DLC1: variants seen among roughly 807,000 people sequenced by gnomAD.
DLC1 encodes rho GTPase-activating protein 7.
In DLC1, 54 loss-of-function variants were observed where a neutral mutation model predicts 140.3. The observed-to-expected ratio is 0.38, with a 90% CI of 0.31 to 0.48. The LOEUF (loss-of-function observed/expected upper bound fraction) is 0.48, where lower values mean the gene tolerates loss of function less well. Ranked by LOEUF, DLC1 falls within the 20% of genes least tolerant of loss-of-function variation. The pLI, the probability that DLC1 is intolerant of heterozygous loss-of-function variation, is 0.96. For missense variants in DLC1, 2,536 were observed against 1,907.0 expected, an observed-to-expected ratio of 1.33 and a Z score of -6.14; for synonymous variants, 986 against 728.1, an observed-to-expected ratio of 1.35 and a Z score of -5.70.
chr8:13,228,817 G>A (rs1828917979), intron 5 of DLC1, among the ~76,000 whole-genome samples: 1 of 152,188 alleles, frequency 6.6e-6, no homozygotes, highest in Non-Finnish European at 1.5e-5. Flanking sequence ...TGGTCGATGA[G>A]CATGAAAAGA....
At chr8:13,279,885 G>A (rs1831306362) in intron 5 of DLC1, among the ~76,000 whole-genome samples, 1 of 152,122 alleles carries the variant, frequency 6.6e-6, no homozygotes, top group South Asian at 2.1e-4. Context: ...TCTGAGAGGT[G>A]AGAATAGTTT....
intron 1 of DLC1, among the ~76,000 whole-genome samples, chr8:13,528,406 G>T (rs549318147): frequency 6.6e-6 from 1 of 152,110 alleles, no homozygotes; most frequent in Non-Finnish European, 1.5e-5. Context: ...AGAAAAATAT[G>T]TTGGGCAGCA....
chr8:13,394,650 C>A (rs1193945693), intron 3 of DLC1, among the ~76,000 whole-genome samples: 2 of 152,170 alleles, frequency 1.3e-5, no homozygotes, highest in Non-Finnish European at 2.9e-5. Flanking sequence ...TATGTATCCT[C>A]TTTATACATC....
At position 13,475,420 on chromosome 8, in the gene DLC1, G is replaced by A. The variant is rs544112331; in HGVS notation, c.1023+23629C>T. ...AGTAAAAGGCCATCTTTTATATTGG[G>A]TTTCTGGCTAAGCACAGTGGTTAAA... On this transcript the variant is annotated intron_variant, in intron 2 of 17. Coordinates refer to ENST00000276297, the MANE Select transcript of DLC1 (RefSeq NM_182643.3). 7.8e-4 allele frequency among the ~76,000 whole-genome samples: 119 copies of A among 152,182 alleles called. No individual in the cohort carries two copies. In the Middle Eastern group the frequency reaches 0.014, roughly 17 times the overall value.
intron 1 of DLC1, among the ~76,000 whole-genome samples, chr8:13,579,187 G>C (rs965572805): frequency 7.3e-6 from 1 of 136,216 alleles, no homozygotes; most frequent in Non-Finnish European, 1.5e-5. Flanking sequence ...TAGAACAAAA[G>C]AGTCTCCTAG....
chr8:13,578,209 A>G (rs774219156), intron 1 of DLC1, among the ~76,000 whole-genome samples: 1 of 152,140 alleles, frequency 6.6e-6, no homozygotes, highest in Non-Finnish European at 1.5e-5. Flanking sequence ...CCACCCAGGA[A>G]TCAATGACTT....
In DLC1 at chr8:13,326,695, G is replaced by C. The variant is rs185045168; in HGVS notation, c.1315-21393C>G. Among the ~76,000 whole-genome samples the C allele has an allele frequency of 1.2e-3, 177 of 152,302 alleles. 2 individuals carry two copies. Among genetic ancestry groups the C allele is most frequent in the Admixed American group, 3.2e-3 (49 of 15,298 alleles). On this transcript the variant is annotated intron_variant, in intron 4 of 17. Coordinates refer to ENST00000276297, the MANE Select transcript of DLC1 (RefSeq NM_182643.3). ...CCCAGTGGTTCTCAAACTTCAGCGT[G>C]CATTGGAATCATCTACCGGGCCTGC...
intron 5 of DLC1, chr8:13,133,527 C>CCCCTCGGTTCCCTCGGTT (rs544009724): frequency 6.8e-6 from 1 of 147,028 alleles, no homozygotes; most frequent in Admixed American, 6.8e-5. Context: ...TCTGTCCCGC[C>CCCCTCGGTTCCCTCGGTT]CCCTCGGTTC....
At chr8:13,101,670 T>A (rs988215868) in intron 8 of DLC1, among the ~76,000 whole-genome samples, 1 of 152,090 alleles carries the variant, frequency 6.6e-6, no homozygotes, top group Admixed American at 6.6e-5. Context: ...CCACAAGACA[T>A]GAAGGCTAGC....
chr8:13,521,357 A>T (rs1027116317), intron 1 of DLC1, among the ~76,000 whole-genome samples: 1 of 151,878 alleles, frequency 6.6e-6, no homozygotes, highest in Non-Finnish European at 1.5e-5. Context: ...GCACACATTT[A>T]CCTATGTAAC....
At chr8:13,128,797 T>C (rs1821816500) in intron 5 of DLC1, among the ~76,000 whole-genome samples, 1 of 148,570 alleles carries the variant, frequency 6.7e-6, no homozygotes, top group Non-Finnish European at 1.5e-5. Context: ...ATTGCGCCAC[T>C]GCACTCCAGC....
chr8:13,149,003 A>AG (rs1176080503), intron 5 of DLC1, among the ~76,000 whole-genome samples: 1 of 152,122 alleles, frequency 6.6e-6, no homozygotes, highest in East Asian at 1.9e-4. Flanking sequence ...CGTGTTAGCC[A>AG]GGACGGTCTC....
chr8:13,133,284 C>G, intron 5 of DLC1: 7 of 1,295,774 alleles, frequency 5.4e-6, no homozygotes, highest in Non-Finnish European at 5.9e-6. Context: ...GCAGTCGGAG[C>G]GAACTGTCTC....
At chr8:13,223,214 G>A (rs1188300) in intron 5 of DLC1, among the ~76,000 whole-genome samples, 72,077 of 151,954 alleles carry the variant, frequency 0.47, 18,475 homozygotes, top group East Asian at 0.82. Context: ...AAATCCTGTC[G>A]TAGAGAGCAG....
intron 4 of DLC1, among the ~76,000 whole-genome samples, chr8:13,354,381 C>A (rs1729158): frequency 2.0e-5 from 3 of 151,892 alleles, no homozygotes; most frequent in African/African-American, 4.8e-5. Flanking sequence ...TGAGACTATC[C>A]TCCTCGCCTT....
rs368098461 is a variant in DLC1, at chr8:13,492,500, G to GTC, written c.1023+6547_1023+6548dup. On this transcript the variant is annotated intron_variant, in intron 2 of 17. Transcript: ENST00000276297. ...TTTTTTTCTATCACTTACTCTCTCTGTCTCTCTCTCTCTCTCTGTTTTCTC... is the reference window on the plus strand; with the variant it reads ...TTTTTTTCTATCACTTACTCTCTCTGTCTCTCTCTCTCTCTCTCTGTTTTCTC... Among the ~76,000 whole-genome samples the GTC allele has an allele frequency of 7.9e-3, 1,147 of 145,686 alleles. 15 individuals are homozygous for GTC. The highest frequency in any genetic ancestry group is 0.069 in the South Asian group (313 of 4,552).
rs11993817 is a variant in DLC1 at position 13,251,858 on chromosome 8, G to C, written c.1348+53411C>G. Among the ~76,000 whole-genome samples the C allele has an allele frequency of 9.3e-3, 1,408 of 152,208 alleles. 26 individuals carry two copies. The highest frequency in any genetic ancestry group is 0.032 in the African/African-American group (1,332 of 41,510). On this transcript the variant is annotated intron_variant, in intron 5 of 17. Coordinates refer to ENST00000276297, the MANE Select transcript of DLC1 (RefSeq NM_182643.3). Reference sequence around the variant, plus strand: ...ATATAAGCTATAATAATTATTATTAGAGACAACATAGTTGGGTCCAAAGTA... The same window carrying C: ...ATATAAGCTATAATAATTATTATTACAGACAACATAGTTGGGTCCAAAGTA...
intron 1 of DLC1, among the ~76,000 whole-genome samples, chr8:13,592,600 C>A (rs1021030341): frequency 6.6e-6 from 1 of 151,946 alleles, no homozygotes; most frequent in African/African-American, 2.4e-5. Context: ...ACTGAGCAGC[C>A]ATTTGTTGAA....
At chr8:13,266,355 G>A (rs80214084) in intron 5 of DLC1, among the ~76,000 whole-genome samples, 10,764 of 152,180 alleles carry the variant, frequency 0.071, 431 homozygotes, top group South Asian at 0.17. Context: ...TTGTTTGGTT[G>A]GAGGGGCTTG....
Sources: allele counts gnomAD v4.1 joint callset (sites outside exome capture counted in the v4.1 genomes callset), GRCh38; gene constraint gnomAD v4.1.1; transcripts MANE v1.5; gene names NCBI Gene and HGNC (gene_info 2026-07-23, HGNC 2026-07-21).